Variants in ZNF385D observed in about 807,000 individuals in gnomAD.
ZNF385D encodes the protein zinc finger protein 385D.
A neutral mutation model predicts 35.8 loss-of-function variants in ZNF385D; 15 were observed. The ratio of observed to expected loss-of-function variants is 0.42; its 90% CI spans 0.28 to 0.64. ZNF385D has a LOEUF of 0.64. Among genes scored for constraint, ZNF385D ranks in the 30% least tolerant of loss-of-function variants. The probability of loss-of-function intolerance (pLI) is 0.23; values close to 1 mark genes in which losing one functional copy is unlikely to be tolerated. For synonymous variants in ZNF385D, 212 were observed against 186.8 expected, an observed-to-expected ratio of 1.13 and a Z score of -1.10; for missense variants, 474 against 494.6, an observed-to-expected ratio of 0.96 and a Z score of 0.39.
chr3:21,599,291 A>G (rs2064214495), intron 2 of ZNF385D, among the ~76,000 whole-genome samples: 1 of 152,246 alleles, frequency 6.6e-6, no homozygotes, highest in South Asian at 2.1e-4. Context: ...TCAAAATCAT[A>G]GTGTTTGTTT....
At chr3:22,183,048 G>A (rs1460508250) in intron 2 of ZNF385D, among the ~76,000 whole-genome samples, 1 of 152,054 alleles carries the variant, frequency 6.6e-6, no homozygotes, top group African/African-American at 2.4e-5. Flanking sequence ...AGGAGGCAAG[G>A]AAGAGCCTTA....
chr3:21,761,449 G>A (rs1214674674), intron 3 of ZNF385D, among the ~76,000 whole-genome samples: 2 of 152,222 alleles, frequency 1.3e-5, no homozygotes, highest in African/African-American at 4.8e-5. Context: ...GTGATGGCAA[G>A]GTGGTCTAGA....
intron 3 of ZNF385D, among the ~76,000 whole-genome samples, chr3:22,154,440 C>T (rs1201872262): frequency 2.0e-5 from 3 of 152,124 alleles, no homozygotes; most frequent in Non-Finnish European, 4.4e-5. Context: ...GGCTTCACCA[C>T]GTAAGAAAAC....
intron 3 of ZNF385D, among the ~76,000 whole-genome samples, chr3:21,891,290 G>A (rs1698850802): frequency 1.3e-5 from 2 of 152,098 alleles, no homozygotes; most frequent in South Asian, 4.2e-4. Flanking sequence ...AATGAACAAG[G>A]AGCTATCCAG....
intron 1 of ZNF385D, among the ~76,000 whole-genome samples, chr3:21,669,550 C>A (rs1293835235): frequency 6.6e-6 from 1 of 152,064 alleles, no homozygotes; most frequent in Non-Finnish European, 1.5e-5. Context: ...CAGAAGTTTG[C>A]ATTTTTGAAA....
intron 4 of ZNF385D, among the ~76,000 whole-genome samples, chr3:21,506,245 TC>T (rs57762837): frequency 0.19 from 28,276 of 152,046 alleles, 2,707 homozygotes; most frequent in Admixed American, 0.26. Flanking sequence ...AAGAGCCTTT[TC>T]CCCTCTTCCA....
chr3:22,076,416 T>C (rs766821939), intron 3 of ZNF385D, among the ~76,000 whole-genome samples: 1 of 151,890 alleles, frequency 6.6e-6, no homozygotes, highest in South Asian at 2.1e-4. Flanking sequence ...TTAATGAATA[T>C]TCCCCCACAT....
At chr3:22,370,051 G>A (rs1696832656) in intron 2 of ZNF385D, among the ~76,000 whole-genome samples, 1 of 152,114 alleles carries the variant, frequency 6.6e-6, no homozygotes, top group Non-Finnish European at 1.5e-5. Flanking sequence ...TTTCATTATT[G>A]AACTTTTGAT....
intron 3 of ZNF385D, among the ~76,000 whole-genome samples, chr3:22,147,036 C>T (rs115748447): frequency 0.023 from 3,432 of 152,224 alleles, 130 homozygotes; most frequent in African/African-American, 0.078. Context: ...GCAAATCTGA[C>T]ATTGTATTTA....
intron 4 of ZNF385D, among the ~76,000 whole-genome samples, chr3:21,475,527 A>G (rs1704176852): frequency 6.6e-6 from 1 of 152,246 alleles, no homozygotes; most frequent in East Asian, 1.9e-4. Context: ...CTTAAAATCC[A>G]AAGTTATTAT....
intron 6 of ZNF385D, 106 bp downstream of exon 6, chr3:21,425,386 G>T: frequency 8.5e-7 from 1 of 1,175,100 alleles, no homozygotes; most frequent in Non-Finnish European, 1.1e-6. Context: ...ATGAATAGAT[G>T]GGTGAATGGG....
intron 2 of ZNF385D, among the ~76,000 whole-genome samples, chr3:22,292,600 G>C (rs996019862): frequency 3.3e-5 from 5 of 151,960 alleles, no homozygotes; most frequent in African/African-American, 1.2e-4. Context: ...ATTTCATGTT[G>C]GTTCTTTCAC....
At chr3:21,605,492 G>GA (rs1430640003) in intron 2 of ZNF385D, among the ~76,000 whole-genome samples, 1 of 148,982 alleles carries the variant, frequency 6.7e-6, no homozygotes, top group African/African-American at 2.5e-5. Context: ...CCTATTATAG[G>GA]AGACAGGCCA....
At chr3:21,547,416 G>C (rs532979111) in intron 3 of ZNF385D, among the ~76,000 whole-genome samples, 10 of 152,060 alleles carry the variant, frequency 6.6e-5, no homozygotes, top group Admixed American at 2.0e-4. Flanking sequence ...CAGTTTGTCT[G>C]TTCTTGCCTT....
At chr3:21,634,838 A>T (rs529314516) in intron 2 of ZNF385D, among the ~76,000 whole-genome samples, 3 of 151,632 alleles carry the variant, frequency 2.0e-5, no homozygotes, top group Non-Finnish European at 2.9e-5. Flanking sequence ...TTGGATGGCA[A>T]TATTTTTCTT....
intron 3 of ZNF385D, among the ~76,000 whole-genome samples, chr3:21,830,689 G>C (rs530224759): frequency 6.6e-6 from 1 of 151,356 alleles, no homozygotes; most frequent in Non-Finnish European, 1.5e-5. Context: ...GAATGTGCCT[G>C]TCAAATGTTA....
intron 2 of ZNF385D, among the ~76,000 whole-genome samples, chr3:22,243,692 A>G (rs1456848771): frequency 6.6e-6 from 1 of 151,052 alleles, no homozygotes; most frequent in Non-Finnish European, 1.5e-5. Context: ...CTCTGTGGCT[A>G]CCTGTATTGT....
At chr3:22,249,270 A>G (rs1278219998) in intron 2 of ZNF385D, among the ~76,000 whole-genome samples, 1 of 152,132 alleles carries the variant, frequency 6.6e-6, no homozygotes, top group Non-Finnish European at 1.5e-5. Flanking sequence ...CACAACCAGA[A>G]TCCCCCCACC....
intron 2 of ZNF385D, among the ~76,000 whole-genome samples, chr3:21,649,126 A>C (rs573666230): frequency 6.6e-6 from 1 of 152,292 alleles, no homozygotes; most frequent in South Asian, 2.1e-4. Flanking sequence ...TTTTAGGAGT[A>C]CATAATCTGA....
Sources: gnomAD v4.1 joint callset for allele counts (sites outside exome capture counted in the v4.1 genomes callset) on GRCh38, gnomAD v4.1.1 for gene constraint, MANE v1.5 for transcripts, NCBI Gene and HGNC (gene_info 2026-07-23, HGNC 2026-07-21) for gene names.